Variants in NUAK1 observed in about 807,000 individuals in gnomAD.
The protein encoded by NUAK1 is NUAK family kinase 1, also known as NUAK family SNF1-like kinase 1.
A neutral mutation model predicts 56.9 loss-of-function variants in NUAK1; 26 were observed. The observed-to-expected ratio is 0.46, with a 90% CI of 0.33 to 0.63. The LOEUF (loss-of-function observed/expected upper bound fraction) is 0.63, where lower values mean the gene tolerates loss of function less well. Among genes scored for constraint, NUAK1 ranks in the 30% least tolerant of loss-of-function variants. The probability of loss-of-function intolerance (pLI) is 0.02; values close to 1 mark genes in which losing one functional copy is unlikely to be tolerated. For synonymous variants in NUAK1, 337 were observed against 336.0 expected (o/e 1.00, Z -0.03); for missense variants, 727 against 876.1 (o/e 0.83, Z 2.15).
rs199595148 is a variant in NUAK1, at chr12:106,128,128, C to CTTTT, written c.240+10282_240+10285dup. On this transcript the variant is annotated intron_variant, in intron 1 of 6. Transcript: ENST00000261402. ...AGCCTAGCTCCAAATTCTCTCTTTT[C>CTTTT]TTTTTCTTTTTTTTTTTTTTTGACA... 1.9e-4 allele frequency among the ~76,000 whole-genome samples: 26 copies of CTTTT among 136,214 alleles called. 4 individuals carry two copies. Among genetic ancestry groups the CTTTT allele is most frequent in the African/African-American group, 4.0e-4 (14 of 35,384 alleles). The allele number at this position is 136,214 out of a possible 152,430, so 89.4% of individuals were successfully genotyped here.
At chr12:106,118,670 C>A (rs574057016) in intron 1 of NUAK1, among the ~76,000 whole-genome samples, 3 of 152,216 alleles carry the variant, frequency 2.0e-5, no homozygotes, top group African/African-American at 7.2e-5. Context: ...AACATCCCTG[C>A]GGAACCCCGC....
intron 2 of NUAK1, among the ~76,000 whole-genome samples, chr12:106,090,552 C>G (rs2032625137): frequency 6.6e-6 from 1 of 152,086 alleles, no homozygotes; most frequent in Non-Finnish European, 1.5e-5. Context: ...AATAATAATT[C>G]CCATAACTAC....
chr12:106,125,158 G>C (rs1204304227), intron 1 of NUAK1, among the ~76,000 whole-genome samples: 2 of 152,156 alleles, frequency 1.3e-5, no homozygotes, highest in Non-Finnish European at 2.9e-5. Flanking sequence ...TTAAGTTGTG[G>C]CAGTGATGGA....
intron 4 of NUAK1, among the ~76,000 whole-genome samples, chr12:106,082,542 C>A (rs1214871792): frequency 1.3e-5 from 2 of 152,212 alleles, no homozygotes; most frequent in African/African-American, 4.8e-5. Flanking sequence ...ACTCTACAAC[C>A]AGTGCTCCTT....
At chr12:106,084,187 A>C (rs923268989) in intron 3 of NUAK1, 5 of 529,558 alleles carry the variant, frequency 9.4e-6, no homozygotes, top group African/African-American at 7.6e-5. Context: ...GTTCTCCCCC[A>C]GAGCCTGTAA....
chr12:106,064,787 A>ACCCCCCC lies in NUAK1; in HGVS notation c.*2014_*2015insGGGGGGG, dbSNP rs201301314. The stretch of plus-strand genomic sequence containing the variant: ...TGCAGGTTGTCCTCCATGCACCCAC[A>ACCCCCCC]CCCCCACCCCCCCCCACACACACAA... On this transcript the variant is annotated 3_prime_UTR_variant, in exon 7 of 7. Coordinates refer to ENST00000261402, the MANE Select transcript of NUAK1 (RefSeq NM_014840.3). 2.8e-5 allele frequency: 3 copies of ACCCCCCC among 107,956 alleles called. No individual in the cohort carries two copies. The highest frequency in any genetic ancestry group is 3.4e-4 in the South Asian group (1 of 2,980). 6.7% of individuals were successfully genotyped at this position (107,956 alleles called of 1,614,324 possible).
At chr12:106,125,856 G>A (rs2033020580) in intron 1 of NUAK1, among the ~76,000 whole-genome samples, 1 of 152,110 alleles carries the variant, frequency 6.6e-6, no homozygotes, top group South Asian at 2.1e-4. Flanking sequence ...TGTCTTTCCA[G>A]GCAAACACGT....
chr12:106,100,234 T>C (rs895652291), intron 2 of NUAK1, among the ~76,000 whole-genome samples: 6 of 151,704 alleles, frequency 4.0e-5, no homozygotes, highest in African/African-American at 1.5e-4. Flanking sequence ...TTTCCCACCA[T>C]TCCTGAAAGA....
chr12:106,137,446 G>T (rs2033140301), intron 1 of NUAK1, among the ~76,000 whole-genome samples: 1 of 152,144 alleles, frequency 6.6e-6, no homozygotes, highest in Non-Finnish European at 1.5e-5. Flanking sequence ...TTAATTTTCT[G>T]CCACACACCA....
chr12:106,066,740 A>G lies in NUAK1; in HGVS notation c.*62T>C. 7.6e-7 allele frequency: 1 copy of G among 1,324,250 alleles called. No homozygotes were observed. The highest frequency in any genetic ancestry group is 1.1e-6 in the Non-Finnish European group (1 of 950,988). 82.0% of individuals were successfully genotyped at this position (1,324,250 alleles called of 1,614,324 possible). On this transcript the variant is annotated 3_prime_UTR_variant, in exon 7 of 7. Transcript: ENST00000261402. ...CCAGCAAAGAGGTAACCAGCCTGTG[A>G]GCCCAAGTCTTGCTCCCCTTCCTCC... is the stretch of plus-strand genomic sequence containing the variant.
At chr12:106,109,718 T>G (rs548484351) in intron 1 of NUAK1, among the ~76,000 whole-genome samples, 7 of 152,158 alleles carry the variant, frequency 4.6e-5, no homozygotes, top group Non-Finnish European at 8.8e-5. Flanking sequence ...TGTGTGACCC[T>G]GGGCAGGTTA....
At chr12:106,137,343 A>G (rs372933277) in intron 1 of NUAK1, among the ~76,000 whole-genome samples, 18 of 152,294 alleles carry the variant, frequency 1.2e-4, no homozygotes, top group African/African-American at 4.3e-4. Flanking sequence ...AAACACCCCC[A>G]AAAGTGCACA....
intron 2 of NUAK1, among the ~76,000 whole-genome samples, chr12:106,091,440 T>C (rs2032633935): frequency 6.6e-6 from 1 of 152,120 alleles, no homozygotes; most frequent in Non-Finnish European, 1.5e-5. Context: ...CAGATGGCAC[T>C]GGGGATACCG....
In NUAK1 at chr12:106,070,907, C is replaced by T. The variant is rs1565918268; in HGVS notation, c.700-1G>A. On this transcript the variant is annotated splice_acceptor_variant, in intron 5 of 6. Coordinates refer to ENST00000261402, the MANE Select transcript of NUAK1 (RefSeq NM_014840.3). LOFTEE classifies it high-confidence loss of function. ...ACACACCCAGGGCCCAGCTGTCCAC[C>T]TGGAGCAGAGAGACAGCACATATAG... 1 of 1,614,098 alleles carries T rather than the reference C, an allele frequency of 6.2e-7. No homozygotes were observed. Among genetic ancestry groups the T allele is most frequent in the Non-Finnish European group, 8.5e-7 (1 of 1,180,008 alleles).
intron 1 of NUAK1, among the ~76,000 whole-genome samples, chr12:106,128,180 G>A (rs557112734): frequency 2.0e-4 from 29 of 144,636 alleles, no homozygotes; most frequent in Non-Finnish European, 3.9e-4. Context: ...TGCCTAGGCT[G>A]GAGTGCAATT....
At chr12:106,080,863 G>A (rs1392560552) in intron 4 of NUAK1, among the ~76,000 whole-genome samples, 1 of 152,222 alleles carries the variant, frequency 6.6e-6, no homozygotes, top group Non-Finnish European at 1.5e-5. Flanking sequence ...GGTCCCCCAG[G>A]TCCAGACACG....
intron 2 of NUAK1, among the ~76,000 whole-genome samples, chr12:106,094,051 C>T (rs1437167086): frequency 6.6e-6 from 1 of 152,064 alleles, no homozygotes; most frequent in Admixed American, 6.5e-5. Context: ...TCAAGCCATC[C>T]GCCCACCTCA....
At chr12:106,121,039 A>G (rs887408693) in intron 1 of NUAK1, among the ~76,000 whole-genome samples, 7 of 152,208 alleles carry the variant, frequency 4.6e-5, no homozygotes, top group African/African-American at 1.4e-4. Flanking sequence ...AGCCTGGGGT[A>G]AAGTCCAGAC....
At position 106,138,571 on chromosome 12, in the gene NUAK1, G is replaced by T; in HGVS notation, c.83C>A (p.Ala28Glu). Residue 28 changes from alanine (A) to glutamate (E), a missense_variant, in exon 1 of 7, where the codon GCG (alanine) becomes GAG (glutamate). Physicochemically the swap from Ala to Glu is moderately radical, Grantham distance 107. Transcript: ENST00000261402. This position sits in a 1 kb window ranked among gnomAD's most constrained non-coding sequence, Gnocchi z 5.0. ...GAPGSPREAVAGATAALEPRK... is the reference protein window; with the variant it reads ...GAPGSPREAVEGATAALEPRK... ...GGGCTCCAGGGCTGCAGTCGCCCCCGCCACCGCCTCTCGGGGAGAGCCCGG... is the reference window on the plus strand; with the variant it reads ...GGGCTCCAGGGCTGCAGTCGCCCCCTCCACCGCCTCTCGGGGAGAGCCCGG... The T allele has an allele frequency of 6.2e-7, 1 of 1,603,130 alleles. No individual in the cohort carries two copies. The highest frequency in any genetic ancestry group is 1.1e-5 in the South Asian group (1 of 90,348).
Sources: gnomAD v4.1 joint callset for allele counts (sites outside exome capture counted in the v4.1 genomes callset) on GRCh38, gnomAD v4.1.1 for gene constraint, Gnocchi (gnomAD v3.1) non-coding constraint, MANE v1.5 for transcripts, NCBI Gene and HGNC (gene_info 2026-07-23, HGNC 2026-07-21) for gene names.